The following PLD1 variants were observed in gnomAD, a reference collection of about 807,000 sequenced individuals.
The protein encoded by PLD1 is phospholipase D1.
PLD1 carries 112 observed loss-of-function variants against 137.1 expected under a neutral mutation model. The ratio of observed to expected loss-of-function variants is 0.82; its 90% CI spans 0.70 to 0.96. PLD1 has a LOEUF of 0.96. Ranked by LOEUF, PLD1 falls within the 40% of genes least tolerant of loss-of-function variation. PLD1 has a pLI of 0.00. For synonymous variants in PLD1, 431 were observed against 454.7 expected (o/e 0.95, Z 0.66); for missense variants, 1,321 against 1,342.0 (o/e 0.98, Z 0.24).
At chr3:171,748,584 A>G (rs1265980144) in intron 1 of PLD1, among the ~76,000 whole-genome samples, 2 of 152,088 alleles carry the variant, frequency 1.3e-5, no homozygotes, top group African/African-American at 4.8e-5. Context: ...AACACTCTCC[A>G]GTGCTGATTA....
chr3:171,705,583 A>C (rs1455738788), intron 11 of PLD1, among the ~76,000 whole-genome samples: 2 of 152,244 alleles, frequency 1.3e-5, no homozygotes, highest in Non-Finnish European at 2.9e-5. Flanking sequence ...TGAACAGTTA[A>C]ACCAATGTCC....
chr3:171,642,731 A>G (rs1735871711), intron 23 of PLD1, 109 bp downstream of exon 23: 1 of 655,634 alleles, frequency 1.5e-6, no homozygotes, highest in Non-Finnish European at 2.7e-6. Flanking sequence ...TTTGTGGGGT[A>G]CCTTTTATAA....
At chr3:171,683,050 G>A (rs1428024295) in intron 16 of PLD1, among the ~76,000 whole-genome samples, 1 of 152,094 alleles carries the variant, frequency 6.6e-6, no homozygotes, top group Non-Finnish European at 1.5e-5. Flanking sequence ...CTGCCTTCAC[G>A]AACATATTTT....
At chr3:171,771,941 A>G (rs1286047353) in intron 1 of PLD1, among the ~76,000 whole-genome samples, 2 of 152,246 alleles carry the variant, frequency 1.3e-5, no homozygotes, top group Non-Finnish European at 2.9e-5. Context: ...CAGTTTCACC[A>G]CCTACATTTA....
Position 171,628,711 on chromosome 3 carries a change from G to A in PLD1, c.2594-8191C>T, listed in dbSNP as rs551972794. Among the ~76,000 whole-genome samples the A allele has an allele frequency of 6.1e-3, 916 of 150,614 alleles. 7 individuals carry two copies. Among genetic ancestry groups the A allele is most frequent in the Middle Eastern group, 0.01 (3 of 294 alleles). ...GGGATGCAAGGCTGGTTCAATATACGCAAATCAATAAATGTAATCCAGCAT... is the reference window on the plus strand; with the variant it reads ...GGGATGCAAGGCTGGTTCAATATACACAAATCAATAAATGTAATCCAGCAT... On this transcript the variant is annotated intron_variant, in intron 23 of 26. Transcript: ENST00000351298.
In PLD1 at chr3:171,603,273, T is replaced by C. The variant is rs756250176; in HGVS notation, c.3030A>G (p.Val1010=). 3 of 1,614,014 alleles carry C rather than the reference T, an allele frequency of 1.9e-6. No homozygotes were observed. The highest frequency in any genetic ancestry group is 2.5e-6 in the Non-Finnish European group (3 of 1,179,924). The change falls in exon 27 of 27, where the codon GTA becomes GTG. Residue 1010 remains valine, a synonymous_variant. Coordinates refer to ENST00000351298, the MANE Select transcript of PLD1 (RefSeq NM_002662.5). ...AGTCTCTCAGCTGAATTAAATTGTG[T>C]ACTTCATCATTGGGAAGGCACCGGA... ...KVFRCLPNDE[V]HNLIQLRDFI...
At chr3:171,691,040 C>A (rs747792800) in intron 13 of PLD1, among the ~76,000 whole-genome samples, 5 of 151,962 alleles carry the variant, frequency 3.3e-5, no homozygotes, top group Admixed American at 6.6e-5. Flanking sequence ...TGTATTGAAC[C>A]TTTTATTAAT....
rs189007492 is a variant in PLD1 at position 171,699,778 on chromosome 3, A to G, written c.1194T>C (p.Arg398=). ...GTTTAAGAATGCAGTCCAACCTCCA[A>G]CGATTTCCCTCAACCACTGGGCGTT... ...FLKRPVVEGN[R]WRLDCILKRK... is the part of the protein sequence containing the mutation. Residue 398 remains arginine, a synonymous_variant, in exon 12 of 27, where the codon CGT becomes CGC. Coordinates refer to ENST00000351298, the MANE Select transcript of PLD1 (RefSeq NM_002662.5). The G allele has an allele frequency of 5.9e-5, 95 of 1,614,034 alleles. No individual in the cohort carries two copies. The highest frequency in any genetic ancestry group is 2.3e-4 in the Admixed American group (14 of 60,022).
At chr3:171,696,952 C>A (rs1360169895) in intron 12 of PLD1, among the ~76,000 whole-genome samples, 1 of 152,136 alleles carries the variant, frequency 6.6e-6, no homozygotes, top group Admixed American at 6.5e-5. Context: ...TCACGAGGGA[C>A]CTCGCCAGGG....
At position 171,634,867 on chromosome 3, in the gene PLD1, C is replaced by A. The variant is rs897785506; in HGVS notation, c.2593+7973G>T. On this transcript the variant is annotated intron_variant, in intron 23 of 26. Coordinates refer to ENST00000351298, the MANE Select transcript of PLD1 (RefSeq NM_002662.5). ...TCACAAGGCCGTACAACCATCACCA[C>A]CACCTAATTTTAAGACATTTTTATC... Among the ~76,000 whole-genome samples, 4 of 152,160 alleles carry A rather than the reference C, an allele frequency of 2.6e-5. No homozygotes were observed. The South Asian group carries it at 8.3e-4, about 32-fold the overall frequency.
At position 171,642,889 on chromosome 3, in the gene PLD1, T is replaced by A; in HGVS notation, c.2544A>T (p.Arg848Ser). 1 of 1,564,392 alleles carries A rather than the reference T, an allele frequency of 6.4e-7. No homozygotes were observed. Among genetic ancestry groups the A allele is most frequent in the South Asian group, 1.1e-5 (1 of 88,334 alleles). The change falls in exon 23 of 27, where the codon AGA becomes AGT. Residue 848 changes from arginine to serine, a missense_variant and splice_region_variant. Coordinates refer to ENST00000351298, the MANE Select transcript of PLD1 (RefSeq NM_002662.5). ...TGGAATTTTCTCCTCTGCACATGGT[T>A]CTGAAAATATGTAAAGGAGAAAATA... is the stretch of plus-strand genomic sequence containing the variant. ...ALQAIMHFNY[R>S]TMCRGENSIL... is the part of the protein sequence containing the mutation.
chr3:171,662,302 C>T (rs1711577819), intron 19 of PLD1, 132 bp from the exon 20 acceptor site: 1 of 590,022 alleles, frequency 1.7e-6, no homozygotes, highest in Non-Finnish European at 3.1e-6. Flanking sequence ...CATGTGTGAA[C>T]CAAAGGAGAG....
At chr3:171,715,059 C>G (rs1717567327) in intron 8 of PLD1, among the ~76,000 whole-genome samples, 1 of 152,086 alleles carries the variant, frequency 6.6e-6, no homozygotes, top group South Asian at 2.1e-4. Context: ...TACAACTGAA[C>G]AACATAATGA....
At chr3:171,643,715 AT>A (rs975607017) in intron 22 of PLD1, among the ~76,000 whole-genome samples, 1 of 148,678 alleles carries the variant, frequency 6.7e-6, no homozygotes, top group African/African-American at 2.5e-5. Context: ...TCAATTAAAC[AT>A]TATGTCAGAG....
intron 12 of PLD1, among the ~76,000 whole-genome samples, chr3:171,695,242 G>A (rs1271084293): frequency 2.6e-5 from 4 of 152,180 alleles, no homozygotes; most frequent in Admixed American, 2.0e-4. Flanking sequence ...AAAACCTGAT[G>A]ATGTTAATTC....
At chr3:171,670,981 C>T (rs1331520056) in intron 19 of PLD1, among the ~76,000 whole-genome samples, 1 of 152,160 alleles carries the variant, frequency 6.6e-6, no homozygotes, top group African/African-American at 2.4e-5. Context: ...GTATGAAAGA[C>T]AATGAATGAA....
At chr3:171,802,834 C>T (rs1034423752) in intron 1 of PLD1, among the ~76,000 whole-genome samples, 1 of 152,130 alleles carries the variant, frequency 6.6e-6, no homozygotes, top group Admixed American at 6.6e-5. Flanking sequence ...ACATAAAAAT[C>T]GAGGCTACCA....
rs774704143 is a variant in PLD1, at chr3:171,710,872, C to CTTTTTT, written c.912-1169_912-1164dup. On this transcript the variant is annotated intron_variant, in intron 9 of 26. Coordinates refer to ENST00000351298, the MANE Select transcript of PLD1 (RefSeq NM_002662.5). ...TTTCACTAATCATAGGAAAACTGTT[C>CTTTTTT]TTTTTTTTTTTTTTTTTTTGAGACG... Among the ~76,000 whole-genome samples the CTTTTTT allele has an allele frequency of 1.9e-3, 189 of 98,550 alleles. 22 individuals are homozygous for CTTTTTT. The highest frequency in any genetic ancestry group is 7.3e-3 in the African/African-American group (156 of 21,360). The allele number at this position is 98,550 out of a possible 152,430, so 64.7% of individuals were successfully genotyped here.
intron 1 of PLD1, among the ~76,000 whole-genome samples, chr3:171,777,034 G>A (rs1170814284): frequency 1.3e-5 from 2 of 151,804 alleles, no homozygotes; most frequent in Non-Finnish European, 2.9e-5. Context: ...ATGAGAATGT[G>A]GGTTTATATG....
Sources: gnomAD v4.1 joint callset for allele counts (sites outside exome capture counted in the v4.1 genomes callset) on GRCh38, gnomAD v4.1.1 for gene constraint, MANE v1.5 for transcripts, NCBI Gene and HGNC (gene_info 2026-07-23, HGNC 2026-07-21) for gene names.